Variants in CDH18 observed in about 807,000 individuals in gnomAD.
CDH18 encodes cadherin 18.
In CDH18, 31 loss-of-function variants were observed where a neutral mutation model predicts 67.9. That is an observed-to-expected ratio of 0.46 (90% CI 0.34 to 0.62). The LOEUF (loss-of-function observed/expected upper bound fraction) is 0.62. Among genes scored for constraint, CDH18 ranks in the 20% least tolerant of loss-of-function variants. The pLI is 0.01. For missense variants in CDH18, 890 were observed against 975.5 expected (o/e 0.91, Z 1.17); for synonymous variants, 362 against 347.2 (o/e 1.04, Z -0.48).
intron 1 of CDH18, among the ~76,000 whole-genome samples, chr5:20,515,076 CT>C (rs1384861959): frequency 6.6e-6 from 1 of 151,676 alleles, no homozygotes; most frequent in East Asian, 1.9e-4. Flanking sequence ...TATGGCTAAT[CT>C]GTGTATCTCA....
intron 1 of CDH18, among the ~76,000 whole-genome samples, chr5:20,332,844 G>A (rs1383870679): frequency 2.0e-5 from 3 of 152,132 alleles, no homozygotes; most frequent in African/African-American, 7.2e-5. Context: ...GGAGGGGAAA[G>A]AGCCCTGGAC....
intron 3 of CDH18, among the ~76,000 whole-genome samples, chr5:19,829,562 A>G (rs1054161094): frequency 1.3e-5 from 2 of 152,198 alleles, no homozygotes; most frequent in Non-Finnish European, 2.9e-5. Flanking sequence ...GAAATCAGAG[A>G]TGACATAAAC....
intron 2 of CDH18, among the ~76,000 whole-genome samples, chr5:19,956,620 C>A (rs1017887040): frequency 6.6e-6 from 1 of 151,632 alleles, no homozygotes; most frequent in African/African-American, 2.4e-5. Flanking sequence ...ATTATCCTGC[C>A]TTTAAATTCT....
In CDH18 at chr5:19,473,057, C is replaced by A; in HGVS notation, c.*169G>T. ...TTTTTTTTTTTTTTTTACTTTCTTC[C>A]AATTAAATAACCCAGTTTCGATCAT... On this transcript the variant is annotated 3_prime_UTR_variant, in exon 13 of 13. Coordinates refer to ENST00000382275, the MANE Select transcript of CDH18 (RefSeq NM_004934.5). 5 of 532,914 alleles carry A rather than the reference C, an allele frequency of 9.4e-6. No individual in the cohort carries two copies. The highest frequency in any genetic ancestry group is 3.3e-5 in the East Asian group (1 of 30,058). 33.0% of individuals were successfully genotyped at this position (532,914 alleles called of 1,614,324 possible).
chr5:20,505,350 A>G lies in CDH18; in HGVS notation c.-580+70112T>C, dbSNP rs566153957. On this transcript the variant is annotated intron_variant, in intron 1 of 14. Transcript: ENST00000507958. The stretch of plus-strand genomic sequence containing the variant: ...GTTAGAAAGGACAGTATAGTGTTCA[A>G]TTTAACATTTTCTATATATCAGATT... Among the ~76,000 whole-genome samples the G allele has an allele frequency of 5.9e-5, 9 of 152,342 alleles. 1 individual carries two copies. The East Asian group carries it at 1.2e-3, about 20-fold the overall frequency.
At chr5:19,932,331 T>C (rs929120609) in intron 2 of CDH18, among the ~76,000 whole-genome samples, 1 of 151,756 alleles carries the variant, frequency 6.6e-6, no homozygotes, top group African/African-American at 2.4e-5. Flanking sequence ...CTTATTAAAG[T>C]ACGCGTGTTA....
At chr5:19,813,990 T>C (rs1276525959) in intron 3 of CDH18, among the ~76,000 whole-genome samples, 1 of 151,834 alleles carries the variant, frequency 6.6e-6, no homozygotes, top group African/African-American at 2.4e-5. Context: ...TAACCAGAAG[T>C]ATTATCCAGA....
In CDH18 at chr5:20,226,322, C is replaced by T. The variant is rs548373947; in HGVS notation, c.-518+29122G>A. On this transcript the variant is annotated intron_variant, in intron 2 of 14. Transcript: ENST00000507958. ...TTAGCTGTCACTGTCATGAAAGAGC[C>T]AAATTATATTTGACAATCAGAGTTT... Among the ~76,000 whole-genome samples, 6 of 152,040 alleles carry T rather than the reference C, an allele frequency of 3.9e-5. No homozygotes were observed. The South Asian group carries it at 1.2e-3, about 32-fold the overall frequency.
intron 9 of CDH18, among the ~76,000 whole-genome samples, chr5:19,528,297 G>A (rs759049686): frequency 1.3e-5 from 2 of 151,302 alleles, no homozygotes; most frequent in Non-Finnish European, 1.5e-5. Flanking sequence ...CTTTTATGCT[G>A]TCTTTTGCAT....
At chr5:19,875,434 AGATAGATCGATC>A (rs1237618605) in intron 2 of CDH18, among the ~76,000 whole-genome samples, 217 of 146,594 alleles carry the variant, frequency 1.5e-3, no homozygotes, top group African/African-American at 5.5e-3. Flanking sequence ...ATAGATAGAT[AGATAGATCGATC>A]GATCTATAGA....
At position 19,907,518 on chromosome 5, in the gene CDH18, G is replaced by A. The variant is rs572356086; in HGVS notation, c.-256-68276C>T. Among the ~76,000 whole-genome samples, 6 of 151,970 alleles carry A rather than the reference G, an allele frequency of 3.9e-5. No individual in the cohort carries two copies. In the South Asian group the frequency reaches 1.2e-3, roughly 31 times the overall value. The stretch of plus-strand genomic sequence containing the variant: ...GACTGCAACTGATCACATGAGTCCA[G>A]GTGTGGAATTTTCTGCTTCTGGTGT... On this transcript the variant is annotated intron_variant, in intron 2 of 12. Transcript: ENST00000382275.
chr5:19,619,303 G>A (rs1388529001), intron 5 of CDH18, among the ~76,000 whole-genome samples: 1 of 152,164 alleles, frequency 6.6e-6, no homozygotes, highest in African/African-American at 2.4e-5. Context: ...TGATTAGAAT[G>A]TTCAATGATA....
At chr5:20,120,446 A>G (rs561876905) in intron 2 of CDH18, among the ~76,000 whole-genome samples, 1 of 152,254 alleles carries the variant, frequency 6.6e-6, no homozygotes, top group African/African-American at 2.4e-5. Flanking sequence ...ACTGGGGCAC[A>G]GCGGGATTCA....
chr5:19,633,711 C>A (rs1752722521), intron 5 of CDH18, among the ~76,000 whole-genome samples: 1 of 151,986 alleles, frequency 6.6e-6, no homozygotes, highest in Admixed American at 6.6e-5. Context: ...CTCACTGCAA[C>A]CTCTGCCTCC....
At position 19,757,823 on chromosome 5, in the gene CDH18, G is replaced by A. The variant is rs531946153; in HGVS notation, c.229-10587C>T. On this transcript the variant is annotated intron_variant, in intron 3 of 12. Transcript: ENST00000382275. ...CACATCTGGCCATTACTCCTTCCAT[G>A]CAAAGTGCACAACCACGTGCACTGT... 4.3e-3 allele frequency among the ~76,000 whole-genome samples: 649 copies of A among 152,320 alleles called. 2 individuals carry two copies. The highest frequency in any genetic ancestry group is 6.7e-3 in the Non-Finnish European group (454 of 68,038).
chr5:20,558,217 G>A (rs1181051372), intron 1 of CDH18, among the ~76,000 whole-genome samples: 4 of 151,998 alleles, frequency 2.6e-5, no homozygotes, highest in African/African-American at 9.7e-5. Context: ...TAACACTTGG[G>A]CATTTACAAC....
intron 1 of CDH18, among the ~76,000 whole-genome samples, chr5:20,519,925 G>A (rs1270302395): frequency 7.7e-6 from 1 of 129,200 alleles, no homozygotes; most frequent in African/African-American, 2.9e-5. Context: ...CCAGGCTGGA[G>A]TACAACACAG....
At chr5:19,965,125 G>A (rs1015042010) in intron 2 of CDH18, among the ~76,000 whole-genome samples, 1 of 152,038 alleles carries the variant, frequency 6.6e-6, no homozygotes, top group Non-Finnish European at 1.5e-5. Context: ...TCTTTATTTT[G>A]TAGTTTATAT....
intron 2 of CDH18, among the ~76,000 whole-genome samples, chr5:19,873,065 T>C (rs555548806): frequency 6.6e-6 from 1 of 152,264 alleles, no homozygotes; most frequent in Admixed American, 6.5e-5. Flanking sequence ...TTTATGTTGC[T>C]AGAAGGAAGT....
Sources: gnomAD v4.1 joint callset for allele counts (sites outside exome capture counted in the v4.1 genomes callset) on GRCh38, gnomAD v4.1.1 for gene constraint, MANE v1.5 for transcripts, NCBI Gene and HGNC (gene_info 2026-07-23, HGNC 2026-07-21) for gene names.